RORC: variants seen among roughly 807,000 people sequenced by gnomAD.
RORC encodes the protein nuclear receptor ROR-gamma.
RORC carries 13 observed loss-of-function variants against 64.5 expected under a neutral mutation model. The observed-to-expected ratio is 0.20, with a 90% confidence interval of 0.13 to 0.32. The LOEUF is 0.32. Ranked by LOEUF, RORC falls within the 10% of genes least tolerant of loss-of-function variation. The pLI is 1.00. For missense variants in RORC, 468 were observed against 669.5 expected (o/e 0.70, Z 3.32); for synonymous variants, 277 against 259.3 (o/e 1.07, Z -0.65).
In RORC at chr1:151,809,121, A is replaced by G. The variant is rs114335496; in HGVS notation, c.1396-1488T>C. 8.1e-3 allele frequency among the ~76,000 whole-genome samples: 1,233 copies of G among 152,278 alleles called. 24 individuals carry two copies. Among genetic ancestry groups the G allele is most frequent in the African/African-American group, 0.028 (1,169 of 41,536 alleles). On this transcript the variant is annotated intron_variant, in intron 10 of 10. Coordinates refer to ENST00000318247, the MANE Select transcript of RORC (RefSeq NM_005060.4). ...AGGGCTGAGAACAGGAGTCAAGGCC[A>G]GGTGTGGTGGTTCACGCCTGTAATC...
intron 2 of RORC, among the ~76,000 whole-genome samples, chr1:151,827,949 G>A (rs758948916): frequency 2.8e-5 from 4 of 141,380 alleles, no homozygotes; most frequent in African/African-American, 5.3e-5. Context: ...CATAAGGTCC[G>A]TGACCCCCCT....
intron 1 of RORC, 137 bp downstream of exon 1, chr1:151,831,588 C>T: frequency 6.4e-7 from 1 of 1,558,504 alleles, no homozygotes; most frequent in Non-Finnish European, 8.7e-7. Flanking sequence ...TCACTCCCTG[C>T]CAACCCAGGG....
At chr1:151,824,250 C>T (rs1652105409) in intron 2 of RORC, among the ~76,000 whole-genome samples, 4 of 152,082 alleles carry the variant, frequency 2.6e-5, no homozygotes, top group Admixed American at 2.6e-4. Context: ...CTGACCCCCT[C>T]GTTGGAGGAG....
At chr1:151,825,627 G>C (rs555632372) in intron 2 of RORC, among the ~76,000 whole-genome samples, 137 of 152,228 alleles carry the variant, frequency 9.0e-4, no homozygotes, top group Middle Eastern at 6.8e-3. Flanking sequence ...CCAAGTACGC[G>C]GCCTCCTTGG....
intron 6 of RORC, chr1:151,814,258 G>A (rs2101657429): frequency 3.6e-6 from 1 of 279,070 alleles, no homozygotes; most frequent in Admixed American, 4.8e-5. Context: ...GGTAATCAGG[G>A]TTCTGATTAT....
intron 2 of RORC, among the ~76,000 whole-genome samples, chr1:151,821,029 T>A (rs939372232): frequency 6.6e-6 from 1 of 152,164 alleles, no homozygotes; most frequent in African/African-American, 2.4e-5. Flanking sequence ...CTGAATTGCT[T>A]TAGAGACTGA....
chr1:151,826,096 T>C, intron 2 of RORC: 1 of 1,444,462 alleles, frequency 6.9e-7, no homozygotes, highest in Non-Finnish European at 9.1e-7. Flanking sequence ...GCTTCTGGAC[T>C]GGGGGGTTTA....
chr1:151,813,419 C>T (rs1651618896), intron 7 of RORC, 69 bp downstream of exon 7: 19 of 1,610,304 alleles, frequency 1.2e-5, no homozygotes, highest in Middle Eastern at 1.6e-4. Context: ...CCCCTGATTT[C>T]CTTAAGCCAC....
intron 10 of RORC, 69 bp downstream of exon 10, chr1:151,811,256 C>T: frequency 1.0e-6 from 1 of 995,738 alleles, no homozygotes; most frequent in Non-Finnish European, 1.6e-6. Context: ...AGACCCCGGC[C>T]CTCGCAAACT....
intron 1 of RORC, 21 bp from the exon 2 acceptor site, chr1:151,829,479 G>T (rs372007989): frequency 1.3e-6 from 2 of 1,517,146 alleles, no homozygotes; most frequent in Non-Finnish European, 1.8e-6. Context: ...AAGAGAGGGG[G>T]TTGACGTCAA....
In RORC at chr1:151,813,471, C is replaced by T; in HGVS notation, c.1066+17G>A. ...CTGTCCCCTTGTCCCCAGGCCTGCC[C>T]ACCCATCCCTGGGCACCTGCTTTGA... is the stretch of plus-strand genomic sequence containing the variant. On this transcript the variant is annotated intron_variant, in intron 7 of 10. Transcript: ENST00000318247. 6.2e-7 allele frequency: 1 copy of T among 1,613,938 alleles called. No individual in the cohort carries two copies. Among genetic ancestry groups the T allele is most frequent in the Non-Finnish European group, 8.5e-7 (1 of 1,179,826 alleles).
At chr1:151,825,843 TCA>T in intron 2 of RORC, 2 of 1,526,136 alleles carry the variant, frequency 1.3e-6, no homozygotes, top group South Asian at 2.3e-5. Flanking sequence ...TCAGATTTGC[TCA>T]CACTGTTCCC....
chr1:151,823,854 A>C (rs887324067), intron 2 of RORC, among the ~76,000 whole-genome samples: 3 of 152,190 alleles, frequency 2.0e-5, no homozygotes, highest in Admixed American at 1.3e-4. Context: ...TTTGTTGCCC[A>C]GGCTGGTCTC....
At chr1:151,829,212 TAC>T (rs1380229701) in intron 2 of RORC, among the ~76,000 whole-genome samples, 1 of 151,990 alleles carries the variant, frequency 6.6e-6, no homozygotes. Flanking sequence ...CTGGTTTCTT[TAC>T]AGTGTTTCCT....
chr1:151,827,257 C>A (rs1026721335), intron 2 of RORC, among the ~76,000 whole-genome samples: 1 of 152,224 alleles, frequency 6.6e-6, no homozygotes, highest in East Asian at 1.9e-4. Context: ...CAAGCCCAGG[C>A]AGACTGGCTT....
chr1:151,812,872 G>T, intron 9 of RORC, 75 bp downstream of exon 9: 1 of 923,372 alleles, frequency 1.1e-6, no homozygotes, highest in East Asian at 2.4e-5. Flanking sequence ...TACATCTGAA[G>T]GTCTAGACTC....
intron 5 of RORC, 93 bp from the exon 6 acceptor site, chr1:151,814,788 G>A: frequency 2.6e-6 from 4 of 1,543,516 alleles, no homozygotes; most frequent in East Asian, 2.3e-5. Flanking sequence ...ATCCTGCTCC[G>A]CCTCCTCCCT....
At chr1:151,813,216 T>A (rs1651608103) in intron 8 of RORC, 23 bp downstream of exon 8, 2 of 1,602,244 alleles carry the variant, frequency 1.2e-6, no homozygotes, top group South Asian at 2.2e-5. Context: ...GAATCTTCCC[T>A]CTCATTTCTC....
In RORC at chr1:151,813,122, C is replaced by G. The variant is rs1572036233; in HGVS notation, c.1175-65G>C. 2.1e-6 allele frequency: 3 copies of G among 1,461,408 alleles called. No homozygotes were observed. In the South Asian group the frequency reaches 3.4e-5, roughly 17 times the overall value. 90.5% of individuals were successfully genotyped at this position (1,461,408 alleles called of 1,614,324 possible). ...AGCGATGGTGCCCGAGGACACCGCCCTTATTGTGTTTAGAGCAGAGGGGGC... is the reference window on the plus strand; with the variant it reads ...AGCGATGGTGCCCGAGGACACCGCCGTTATTGTGTTTAGAGCAGAGGGGGC... On this transcript the variant is annotated intron_variant, in intron 8 of 10. Coordinates refer to ENST00000318247, the MANE Select transcript of RORC (RefSeq NM_005060.4).
Sources: gnomAD v4.1 joint callset for allele counts (sites outside exome capture counted in the v4.1 genomes callset) on GRCh38, gnomAD v4.1.1 for gene constraint, MANE v1.5 for transcripts, NCBI Gene and HGNC (gene_info 2026-07-23, HGNC 2026-07-21) for gene names.